The following SRSF11 variants were observed in gnomAD, a reference collection of about 807,000 sequenced individuals.
The protein encoded by SRSF11 is serine and arginine rich splicing factor 11, also known as serine/arginine-rich splicing factor 11.
Under a neutral mutation model 56.0 loss-of-function variants are expected in SRSF11, and 9 were observed. That is an observed-to-expected ratio of 0.16 (90% confidence interval 0.10 to 0.28). SRSF11 has a LOEUF of 0.28. Ranked by LOEUF, SRSF11 falls within the 10% of genes least tolerant of loss-of-function variation. The pLI is 1.00. For synonymous variants in SRSF11, 222 were observed against 215.3 expected (o/e 1.03, Z -0.27); for missense variants, 421 against 600.7 (o/e 0.70, Z 3.13).
chr1:70,239,318 C>T lies in SRSF11; in HGVS notation c.719-121C>T, dbSNP rs565755194. On this transcript the variant is annotated intron_variant, in intron 6 of 11. Transcript: ENST00000370949. ...TATTGCCCAGGCTGGTCTTGAACTC[C>T]TGGACTGAAGTGTTGCTCCCACTTC... 2.7e-5 allele frequency: 18 copies of T among 657,452 alleles called. No individual in the cohort carries two copies. The African/African-American group carries it at 3.0e-4, about 11-fold the overall frequency. 40.7% of individuals were successfully genotyped at this position (657,452 alleles called of 1,614,324 possible).
upstream of SRSF11, chr1:70,218,916 A>G (rs187448355): frequency 1.9e-3 from 286 of 152,364 alleles, no homozygotes; most frequent in African/African-American, 6.7e-3. Context: ...AATAAAAAAT[A>G]ATGACATTAA....
intron 1 of SRSF11, among the ~76,000 whole-genome samples, chr1:70,209,425 G>A (rs867659642): frequency 6.6e-6 from 1 of 152,122 alleles, no homozygotes. Flanking sequence ...GAATTGTATT[G>A]TGTTTATCTT....
At chr1:70,215,815 C>T (rs1669952887) in intron 1 of SRSF11, among the ~76,000 whole-genome samples, 1 of 152,160 alleles carries the variant, frequency 6.6e-6, no homozygotes, top group South Asian at 2.1e-4. Flanking sequence ...GAATTTCGCT[C>T]TTGTTACCCC....
chr1:70,250,116 G>C (rs1275736720), intron 10 of SRSF11, 69 bp downstream of exon 10: 3 of 1,433,694 alleles, frequency 2.1e-6, no homozygotes, highest in Non-Finnish European at 2.9e-6. Context: ...AAACTGTCCT[G>C]TAGTTTTTCT....
chr1:70,232,559 T>C (rs1673044166), intron 3 of SRSF11, among the ~76,000 whole-genome samples, 182 bp downstream of exon 3: 1 of 152,204 alleles, frequency 6.6e-6, no homozygotes, highest in East Asian at 1.9e-4. Context: ...AAGAACATTC[T>C]GAAAAATCAT....
chr1:70,235,368 T>C (rs1311589145), intron 4 of SRSF11, 133 bp from the exon 5 acceptor site: 2 of 710,180 alleles, frequency 2.8e-6, no homozygotes, highest in East Asian at 5.4e-5. Context: ...TCTTTTTTAA[T>C]GTGGCTACTA....
intron 9 of SRSF11, among the ~76,000 whole-genome samples, chr1:70,248,205 C>CT (rs1677180573): frequency 6.6e-6 from 1 of 152,000 alleles, no homozygotes. Flanking sequence ...CACAGAAAAA[C>CT]TTTTATGTGA....
rs544113521 is a variant in SRSF11 at position 70,208,364 on chromosome 1, C to T, written c.-26+2584C>T. ...TGTGTGTGTGAGTGAGATGGAGTCT[C>T]GCACTGTCACCCAGCCTAGAGTGCA... On this transcript the variant is annotated intron_variant, in intron 1 of 12. Transcript: ENST00000370950. Among the ~76,000 whole-genome samples, 263 of 151,958 alleles carry T rather than the reference C, an allele frequency of 1.7e-3. 3 individuals are homozygous for T. Among genetic ancestry groups the T allele is most frequent in the Non-Finnish European group, 3.2e-3 (218 of 67,952 alleles).
chr1:70,225,058 C>T (rs1040183974), intron 1 of SRSF11, among the ~76,000 whole-genome samples: 2 of 152,204 alleles, frequency 1.3e-5, no homozygotes, highest in African/African-American at 2.4e-5. Flanking sequence ...TTGTGACTCT[C>T]CTTTACCACT....
At chr1:70,221,163 TA>T (rs143211323), upstream of SRSF11, 32 of 155,032 alleles carry the variant, frequency 2.1e-4, no homozygotes, top group Admixed American at 9.2e-4. Flanking sequence ...ATGCTTTTTT[TA>T]AAAAAAAAGT....
At chr1:70,247,199 A>G (rs2100999227) in intron 9 of SRSF11, 2 of 728,722 alleles carry the variant, frequency 2.7e-6, no homozygotes, top group South Asian at 1.2e-4. Context: ...ACCATACTGA[A>G]TTGTTCCATT....
At chr1:70,228,739 T>C (rs1249431405) in intron 2 of SRSF11, 184 bp downstream of exon 2, 2 of 1,276,948 alleles carry the variant, frequency 1.6e-6, no homozygotes, top group Non-Finnish European at 9.9e-7. Context: ...AAATTAGGTC[T>C]GTTATTATAA....
At chr1:70,207,901 A>G (rs1440958856) in intron 1 of SRSF11, among the ~76,000 whole-genome samples, 1 of 151,850 alleles carries the variant, frequency 6.6e-6, no homozygotes, top group Non-Finnish European at 1.5e-5. Context: ...TTTTTTGTAG[A>G]AACGAGTCTG....
chr1:70,239,577 A>G, intron 7 of SRSF11, 57 bp downstream of exon 7: 1 of 1,286,000 alleles, frequency 7.8e-7, no homozygotes, highest in Non-Finnish European at 1.1e-6. Context: ...TATATGTCAC[A>G]TCTTTTTTAA....
chr1:70,209,232 A>G (rs1249210318), intron 1 of SRSF11, among the ~76,000 whole-genome samples: 2 of 152,188 alleles, frequency 1.3e-5, no homozygotes, highest in Non-Finnish European at 2.9e-5. Flanking sequence ...CATAGATGAA[A>G]GGTACAATTG....
intron 2 of SRSF11, chr1:70,231,379 A>T: frequency 1.9e-6 from 2 of 1,055,952 alleles, no homozygotes; most frequent in Non-Finnish European, 2.3e-6. Flanking sequence ...AATTGTCTAC[A>T]TAAATATTTG....
At chr1:70,221,901 C>T (rs956384459) in intron 1 of SRSF11, 62 bp downstream of exon 1, 2 of 1,597,942 alleles carry the variant, frequency 1.3e-6, no homozygotes, top group Non-Finnish European at 1.7e-6. Flanking sequence ...CTAACACACA[C>T]AATTTCCTTA....
At chr1:70,208,325 GGTGTGT>G (rs112343589) in intron 1 of SRSF11, among the ~76,000 whole-genome samples, 2 of 148,664 alleles carry the variant, frequency 1.3e-5, no homozygotes, top group East Asian at 2.0e-4. Context: ...TACAGTGTAT[GGTGTGT>G]GTGTGTGTGT....
At chr1:70,219,752 A>C (rs1199872308), upstream of SRSF11, among the ~76,000 whole-genome samples, 1 of 152,172 alleles carries the variant, frequency 6.6e-6, no homozygotes, top group Non-Finnish European at 1.5e-5. Flanking sequence ...CATAATTTGT[A>C]ATTTTGCTGA....
Sources: allele counts gnomAD v4.1 joint callset (sites outside exome capture counted in the v4.1 genomes callset), GRCh38; gene constraint gnomAD v4.1.1; transcripts MANE v1.5; gene names NCBI Gene and HGNC (gene_info 2026-07-23, HGNC 2026-07-21).